HLA-B: variants seen among roughly 807,000 people sequenced by gnomAD.
HLA-B encodes the protein HLA class I antigen HLA-B.
In HLA-B, 31 loss-of-function variants were observed where a neutral mutation model predicts 41.5. The observed-to-expected ratio is 0.75, with a 90% CI of 0.56 to 1.01. HLA-B has a LOEUF of 1.01. Ranked by LOEUF, HLA-B falls within the 50% of genes least tolerant of loss-of-function variation. The pLI is 0.00. For synonymous variants in HLA-B, 138 were observed against 189.0 expected (o/e 0.73, Z 2.21); for missense variants, 369 against 457.2 (o/e 0.81, Z 1.76).
At chr6:31,357,042 C>A (rs41557213) in intron 1 of HLA-B, 44 bp downstream of exon 1, 2 of 906,496 alleles carry the variant, frequency 2.2e-6, no homozygotes, top group South Asian at 4.6e-5. Context: ...GCGGTCCCCT[C>A]GCTCCTCCCG....
chr6:31,356,464 G>GCCCCGTCC, intron 2 of HLA-B, 22 bp from the exon 3 acceptor site: 2 of 723,604 alleles, frequency 2.8e-6, no homozygotes, highest in Non-Finnish European at 1.8e-6. Flanking sequence ...CCCGCGGTCA[G>GCCCCGTCC]CCCAGTCCCC....
chr6:31,357,128 G>A lies in HLA-B; in HGVS notation c.31C>T (p.Leu11=), dbSNP rs780237727. 3.4e-6 allele frequency: 3 copies of A among 892,568 alleles called. 1 individual carries two copies. Among genetic ancestry groups the A allele is most frequent in the Non-Finnish European group, 4.3e-6 (3 of 691,358 alleles). 55.3% of individuals were successfully genotyped at this position (892,568 alleles called of 1,614,324 possible). A position where few individuals can be genotyped will look rare whatever the true frequency, so the allele number is the denominator to read the frequency against. The part of the protein sequence containing the change: MLVMAPRTVL[L]LLSAALALTE... ...AGGGCCAGGGCCGCCGAGAGCAGCA[G>A]GAGGACGGTTCGGGGCGCCATGACC... The change falls in exon 1 of 8, where the codon CTG becomes TTG. Residue 11 remains leucine, a synonymous_variant. Coordinates refer to ENST00000412585, the MANE Select transcript of HLA-B (RefSeq NM_005514.8).
rs56173567 is a variant in HLA-B at position 31,356,854 on chromosome 6, C to A, written c.177G>T (p.Arg59Ser). ...TCGGACTCGCGGCGTCGCTGTCGAA[C>A]CTCACGAACTGGGTGTCGTCCACGT... Reference protein sequence around the residue: ...VGYVDDTQFVRFDSDAASPRE... With the variant: ...VGYVDDTQFVSFDSDAASPRE... Residue 59 changes from arginine (R) to serine (S), a missense_variant, in exon 2 of 8, where the codon AGG (arginine) becomes AGT (serine). By Grantham distance (110) the Arg-to-Ser change is moderately radical. Transcript: ENST00000412585. 10 of 1,198,632 alleles carry A rather than the reference C, an allele frequency of 8.3e-6. 2 individuals carry two copies. The highest frequency in any genetic ancestry group is 1.1e-5 in the Non-Finnish European group (10 of 900,410). 74.2% of individuals were successfully genotyped at this position (1,198,632 alleles called of 1,614,324 possible). A position where few individuals can be genotyped will look rare whatever the true frequency, so the allele number is the denominator to read the frequency against.
chr6:31,353,923 C>G lies in HLA-B; in HGVS notation c.*378G>C, dbSNP rs186928221. The G allele has an allele frequency of 5.1e-4, 164 of 324,696 alleles. No homozygotes were observed. Among genetic ancestry groups the G allele is most frequent in the African/African-American group, 3.3e-3 (156 of 47,500 alleles). The allele number at this position is 324,696 out of a possible 1,614,324, so 20.1% of individuals were successfully genotyped here. Reference sequence around the variant, plus strand: ...TGCTCTCTCAAATTCCAGGAATTGACTTATTTAATTAATCCATCAACCTCT... The same window carrying G: ...TGCTCTCTCAAATTCCAGGAATTGAGTTATTTAATTAATCCATCAACCTCT... On this transcript the variant is annotated 3_prime_UTR_variant, in exon 8 of 8. Coordinates refer to ENST00000412585, the MANE Select transcript of HLA-B (RefSeq NM_005514.8).
chr6:31,353,921 G>A lies in HLA-B; in HGVS notation c.*380C>T, dbSNP rs1766634978. ...TTTGCTCTCTCAAATTCCAGGAATT[G>A]ACTTATTTAATTAATCCATCAACCT... On this transcript the variant is annotated 3_prime_UTR_variant, in exon 8 of 8. Coordinates refer to ENST00000412585, the MANE Select transcript of HLA-B (RefSeq NM_005514.8). The A allele has an allele frequency of 3.1e-6, 1 of 325,608 alleles. No homozygotes were observed. Among genetic ancestry groups the A allele is most frequent in the Admixed American group, 4.5e-5 (1 of 22,222 alleles). 20.2% of individuals were successfully genotyped at this position (325,608 alleles called of 1,614,324 possible). A position where few individuals can be genotyped will look rare whatever the true frequency, so the allele number is the denominator to read the frequency against.
Position 31,354,528 on chromosome 6 carries a change from T to G in HLA-B, c.1046-2A>C. On this transcript the variant is annotated splice_acceptor_variant, in intron 6 of 7. Coordinates refer to ENST00000412585, the MANE Select transcript of HLA-B (RefSeq NM_005514.8). LOFTEE classifies it high-confidence loss of function. ...CAGAGCCCTGGGCACTGTCGCTGCCTGGAGTAGAACAAAAACAGGACCTGG... is the reference window on the plus strand; with the variant it reads ...CAGAGCCCTGGGCACTGTCGCTGCCGGGAGTAGAACAAAAACAGGACCTGG... 7.6e-7 allele frequency: 1 copy of G among 1,317,362 alleles called. No individual in the cohort carries two copies. Among genetic ancestry groups the G allele is most frequent in the Non-Finnish European group, 9.9e-7 (1 of 1,006,444 alleles). The allele number at this position is 1,317,362 out of a possible 1,614,324, so 81.6% of individuals were successfully genotyped here.
chr6:31,355,857 C>T (rs1766905101), intron 3 of HLA-B: 3 of 643,002 alleles, frequency 4.7e-6, no homozygotes. Context: ...GCCCCAAACA[C>T]ACTGAGTGTG....
chr6:31,355,004 GC>G, intron 5 of HLA-B, 102 bp downstream of exon 5: 1 of 372,660 alleles, frequency 2.7e-6, no homozygotes. Context: ...GCCCCTGTGT[GC>G]ATGCTGCTTC....
Position 31,356,624 on chromosome 6 carries a change from G to A in HLA-B, c.343+64C>T, listed in dbSNP as rs1767053799. ...CGGATCTCGGACCCGGAGACTCGGG[G>A]CGACCCGGGCCGTACGTGGGGGATG... On this transcript the variant is annotated intron_variant, in intron 2 of 7. Transcript: ENST00000412585. 2 of 1,341,880 alleles carry A rather than the reference G, an allele frequency of 1.5e-6. 1 individual carries two copies. Among genetic ancestry groups the A allele is most frequent in the Non-Finnish European group, 2.0e-6 (2 of 982,538 alleles). The allele number at this position is 1,341,880 out of a possible 1,614,324, so 83.1% of individuals were successfully genotyped here. A position where few individuals can be genotyped will look rare whatever the true frequency, so the allele number is the denominator to read the frequency against.
intron 7 of HLA-B, 32 bp downstream of exon 7, chr6:31,354,447 A>AC (rs146647111): frequency 0.049 from 12,304 of 250,810 alleles, 496 homozygotes; most frequent in African/African-American, 0.094. Flanking sequence ...CAGACCCGCC[A>AC]CCCCACCCAC....
Position 31,356,301 on chromosome 6 carries a change from G to GC in HLA-B, c.484_485insG (p.Thr162SerfsTer15). ...CTTGCGCTGGGTGATCTGAGCCGCC[G>GC]TGTCCGCGGCGGTCCAGGAGCGCAG... On this transcript the variant is annotated frameshift_variant, in exon 3 of 8. Transcript: ENST00000412585. LOFTEE classifies it high-confidence loss of function. The GC allele has an allele frequency of 7.4e-7, 1 of 1,345,968 alleles. No individual in the cohort carries two copies. The allele number at this position is 1,345,968 out of a possible 1,614,324, so 83.4% of individuals were successfully genotyped here. A position where few individuals can be genotyped will look rare whatever the true frequency, so the allele number is the denominator to read the frequency against.
Position 31,354,507 on chromosome 6 carries a change from GC to G in HLA-B, c.1064del (p.Gly355AlafsTer17). ...TTCAAGCTGTGAGAGACACATCAGA[GC>G]CCTGGGCACTGTCGCTGCCTGGAGT... ...SQAACSDSAQ[G>X]SDVSLTA is the part of the protein sequence containing the mutation. On this transcript the variant is annotated frameshift_variant, in exon 7 of 8. Transcript: ENST00000412585. LOFTEE classifies it high-confidence loss of function. 1 of 1,324,186 alleles carries G rather than the reference GC, an allele frequency of 7.6e-7. No individual in the cohort carries two copies. Among genetic ancestry groups the G allele is most frequent in the Non-Finnish European group, 9.9e-7 (1 of 1,011,288 alleles). 82.0% of individuals were successfully genotyped at this position (1,324,186 alleles called of 1,614,324 possible).
chr6:31,356,416 C>G lies in HLA-B; in HGVS notation c.370G>C (p.Gly124Arg). ...AGSHTLQSMYGCDVGPDGRLL... is the reference protein window; with the variant it reads ...AGSHTLQSMYRCDVGPDGRLL... ...CGCCCGTCCGGCCCCACGTCGCAGC[C>G]GTACATGCTCTGGAGGGTGTGAGAC... Residue 124 changes from glycine (G) to arginine (R), a missense_variant, in exon 3 of 8, where the codon GGC (glycine) becomes CGC (arginine). Gly to Arg is a moderately radical substitution (Grantham distance 125). This residue lies in a region of HLA-B where 113 missense variants were observed against 173.2 expected (regional missense o/e 0.65). Coordinates refer to ENST00000412585, the MANE Select transcript of HLA-B (RefSeq NM_005514.8). 1.0e-6 allele frequency: 1 copy of G among 956,416 alleles called. No homozygotes were observed. Among genetic ancestry groups the G allele is most frequent in the Non-Finnish European group, 1.4e-6 (1 of 734,316 alleles). The allele number at this position is 956,416 out of a possible 1,614,324, so 59.2% of individuals were successfully genotyped here. A position where few individuals can be genotyped will look rare whatever the true frequency, so the allele number is the denominator to read the frequency against.
Position 31,357,108 on chromosome 6 carries a change from C to T in HLA-B, c.51G>A (p.Leu17=). 1 of 904,832 alleles carries T rather than the reference C, an allele frequency of 1.1e-6. No homozygotes were observed. The highest frequency in any genetic ancestry group is 1.4e-6 in the Non-Finnish European group (1 of 697,614). The allele number at this position is 904,832 out of a possible 1,614,324, so 56.1% of individuals were successfully genotyped here. ...RTVLLLLSAA[L]ALTETWAGSH... is the part of the protein sequence containing the mutation. The stretch of plus-strand genomic sequence containing the variant: ...CACCGGCCCAGGTCTCGGTCAGGGC[C>T]AGGGCCGCCGAGAGCAGCAGGAGGA... The change falls in exon 1 of 8, where the codon CTG becomes CTA. Residue 17 remains leucine (L), a synonymous_variant. Coordinates refer to ENST00000412585, the MANE Select transcript of HLA-B (RefSeq NM_005514.8).
rs1386205687 is a variant in HLA-B, at chr6:31,357,124, A to G, written c.35T>C (p.Leu12Pro). ...GGTCAGGGCCAGGGCCGCCGAGAGC[A>G]GCAGGAGGACGGTTCGGGGCGCCAT... ...LVMAPRTVLL[L>P]LSAALALTET... Residue 12 changes from leucine to proline, a missense_variant, in exon 1 of 8, where the codon CTG becomes CCG. Physicochemically the swap from Leu to Pro is moderately conservative, Grantham distance 98. Around this residue, in one of 6 missense-constraint regions of HLA-B, gnomAD observed 30 missense variants for 20.9 expected, o/e 1.44. Coordinates refer to ENST00000412585, the MANE Select transcript of HLA-B (RefSeq NM_005514.8). The G allele has an allele frequency of 1.1e-6, 1 of 893,000 alleles. No homozygotes were observed. Among genetic ancestry groups the G allele is most frequent in the Non-Finnish European group, 1.4e-6 (1 of 691,496 alleles). The allele number at this position is 893,000 out of a possible 1,614,324, so 55.3% of individuals were successfully genotyped here.
At chr6:31,354,423 G>GCCCC in intron 7 of HLA-B, 56 bp downstream of exon 7, 1 of 318,274 alleles carries the variant, frequency 3.1e-6, no homozygotes, top group Non-Finnish European at 5.6e-6. Context: ...TTTCCCCTCT[G>GCCCC]CCCCACCCAC....
At chr6:31,355,769 G>A in intron 3 of HLA-B, 177 bp from the exon 4 acceptor site, 2 of 695,188 alleles carry the variant, frequency 2.9e-6, no homozygotes, top group Non-Finnish European at 5.0e-6. Flanking sequence ...TGGAAAGTTC[G>A]AGTCTCTGAG....
Position 31,356,832 on chromosome 6 carries a change from GA to G in HLA-B, c.198del (p.Pro67ArgfsTer10). 8.4e-7 allele frequency: 1 copy of G among 1,190,112 alleles called. No individual in the cohort carries two copies. Among genetic ancestry groups the G allele is most frequent in the Non-Finnish European group, 1.1e-6 (1 of 894,420 alleles). 73.7% of individuals were successfully genotyped at this position (1,190,112 alleles called of 1,614,324 possible). A position where few individuals can be genotyped will look rare whatever the true frequency, so the allele number is the denominator to read the frequency against. The stretch of plus-strand genomic sequence containing the variant: ...CACGGCGCCCGCGGCTCCTCTCTCG[GA>G]CTCGCGGCGTCGCTGTCGAACCTCA... ...QFVRFDSDAASPREEPRAPWI... is the reference protein window; with the variant it reads ...QFVRFDSDAAXPREEPRAPWI... On this transcript the variant is annotated frameshift_variant, in exon 2 of 8. Transcript: ENST00000412585. LOFTEE classifies it high-confidence loss of function.
Position 31,355,773 on chromosome 6 carries a change from C to T in HLA-B, c.620-181G>A, listed in dbSNP as rs776233397. 3.4e-5 allele frequency: 24 copies of T among 704,136 alleles called. 1 individual carries two copies. The highest frequency in any genetic ancestry group is 2.5e-6 in the Non-Finnish European group (1 of 401,518). 43.6% of individuals were successfully genotyped at this position (704,136 alleles called of 1,614,324 possible). On this transcript the variant is annotated intron_variant, in intron 3 of 7. Transcript: ENST00000412585. ...CTCCTATTCATTGGAAAGTTCGAGT[C>T]TCTGAGCGGGGAACAGGGACTTCTG...
Sources: gnomAD v4.1 joint callset for allele counts on GRCh38, gnomAD v4.1.1 for gene constraint, gnomAD v4.1.1 regional missense constraint, MANE v1.5 for transcripts, NCBI Gene and HGNC (gene_info 2026-07-23, HGNC 2026-07-21) for gene names.